Variants in SLIT3 observed in about 807,000 individuals in gnomAD.
SLIT3 encodes the protein slit homolog 3 protein.
Under a neutral mutation model 184.0 loss-of-function variants are expected in SLIT3, and 68 were observed. The observed-to-expected ratio is 0.37, with a 90% CI of 0.30 to 0.45. The LOEUF (loss-of-function observed/expected upper bound fraction) is 0.45, where lower values mean the gene tolerates loss of function less well. Among genes scored for constraint, SLIT3 ranks in the 20% least tolerant of loss-of-function variants. SLIT3 has a pLI of 1.00. For missense variants in SLIT3, 1,707 were observed against 2,026.0 expected (o/e 0.84, Z 3.02); for synonymous variants, 831 against 828.6 (o/e 1.00, Z -0.05).
intron 3 of SLIT3, among the ~76,000 whole-genome samples, chr5:169,198,336 T>G (rs968131783): frequency 1.3e-5 from 2 of 152,102 alleles, no homozygotes; most frequent in Non-Finnish European, 2.9e-5. Flanking sequence ...TTGAGTTTAG[T>G]TTTAAAGGAT....
intron 5 of SLIT3, among the ~76,000 whole-genome samples, chr5:168,880,562 G>C (rs1208477096): frequency 6.6e-6 from 1 of 152,240 alleles, no homozygotes; most frequent in African/African-American, 2.4e-5. Flanking sequence ...ACAGTAGTTA[G>C]AACTTTCTAA....
intron 16 of SLIT3, among the ~76,000 whole-genome samples, chr5:168,759,488 G>T (rs990423736): frequency 3.9e-5 from 6 of 152,164 alleles, no homozygotes; most frequent in African/African-American, 1.4e-4. Context: ...TGGCTAGACA[G>T]CCCTTCGGCA....
intron 1 of SLIT3, among the ~76,000 whole-genome samples, chr5:169,289,155 G>T (rs1234932797): frequency 6.6e-6 from 1 of 152,214 alleles, no homozygotes; most frequent in Non-Finnish European, 1.5e-5. Flanking sequence ...AGGTCGGGCA[G>T]TTAGAAAGTG....
chr5:169,233,997 T>G (rs933502583), intron 3 of SLIT3, among the ~76,000 whole-genome samples: 1 of 152,266 alleles, frequency 6.6e-6, no homozygotes, highest in Non-Finnish European at 1.5e-5. Flanking sequence ...TCTTAATATG[T>G]AAAATGCTTT....
intron 4 of SLIT3, among the ~76,000 whole-genome samples, chr5:168,961,357 A>C (rs539532641): frequency 6.6e-6 from 1 of 152,378 alleles, no homozygotes; most frequent in African/African-American, 2.4e-5. Context: ...AAACATAACA[A>C]AATGAAAATA....
chr5:168,966,299 T>C (rs546567986), intron 4 of SLIT3, among the ~76,000 whole-genome samples: 5 of 152,204 alleles, frequency 3.3e-5, no homozygotes, highest in African/African-American at 1.2e-4. Flanking sequence ...TGAAGTTCAA[T>C]CATTTGCCTA....
chr5:168,979,971 G>A (rs1754894917), intron 4 of SLIT3, among the ~76,000 whole-genome samples: 1 of 152,092 alleles, frequency 6.6e-6, no homozygotes, highest in Admixed American at 6.6e-5. Flanking sequence ...AACCCTCGGA[G>A]AACAGGAACT....
intron 4 of SLIT3, among the ~76,000 whole-genome samples, chr5:169,058,193 T>C (rs1169140100): frequency 6.6e-6 from 1 of 152,222 alleles, no homozygotes; most frequent in African/African-American, 2.4e-5. Context: ...AGACCGCTTC[T>C]CCCCGAGCCT....
At chr5:169,066,457 C>T (rs2113110898) in intron 4 of SLIT3, among the ~76,000 whole-genome samples, 1 of 152,202 alleles carries the variant, frequency 6.6e-6, no homozygotes, top group Middle Eastern at 3.4e-3. Flanking sequence ...ACTTACAAGA[C>T]CAAAAAAAGT....
intron 1 of SLIT3, among the ~76,000 whole-genome samples, chr5:169,288,524 T>C (rs1409164965): frequency 1.3e-5 from 2 of 152,124 alleles, no homozygotes; most frequent in Non-Finnish European, 2.9e-5. Flanking sequence ...ATCTCCCTGC[T>C]CTGAACCTAG....
chr5:169,272,831 C>T (rs751041351), intron 1 of SLIT3, among the ~76,000 whole-genome samples: 10 of 152,178 alleles, frequency 6.6e-5, no homozygotes, highest in Admixed American at 3.3e-4. Flanking sequence ...TCTGGGCCCC[C>T]GGGACCTGGG....
intron 1 of SLIT3, among the ~76,000 whole-genome samples, chr5:169,268,301 G>T (rs1766469961): frequency 6.6e-6 from 1 of 152,174 alleles, no homozygotes; most frequent in Admixed American, 6.5e-5. Flanking sequence ...CACACATGGA[G>T]GGAATTTGCC....
intron 20 of SLIT3, among the ~76,000 whole-genome samples, chr5:168,743,068 G>A (rs1041514324): frequency 1.3e-5 from 2 of 152,154 alleles, no homozygotes; most frequent in African/African-American, 2.4e-5. Flanking sequence ...GGAGGTTCAC[G>A]CCATGTGCTA....
intron 20 of SLIT3, among the ~76,000 whole-genome samples, chr5:168,738,764 C>T (rs1425699684): frequency 6.6e-6 from 1 of 152,016 alleles, no homozygotes; most frequent in Non-Finnish European, 1.5e-5. Flanking sequence ...CGGTGAAACC[C>T]CGTCTCTACT....
At chr5:169,016,608 T>C (rs1330913562) in intron 4 of SLIT3, among the ~76,000 whole-genome samples, 1 of 152,230 alleles carries the variant, frequency 6.6e-6, no homozygotes, top group Non-Finnish European at 1.5e-5. Flanking sequence ...CTGTATGCTA[T>C]GAGCTGTGCT....
intron 4 of SLIT3, among the ~76,000 whole-genome samples, chr5:168,884,906 G>A (rs962403149): frequency 1.3e-5 from 2 of 151,944 alleles, no homozygotes; most frequent in African/African-American, 4.8e-5. Context: ...GTTGACCTAC[G>A]GACAGATTGT....
chr5:168,666,716 T>C, intron 35 of SLIT3, 27 bp from the exon 36 acceptor site: 1 of 1,613,882 alleles, frequency 6.2e-7, no homozygotes, highest in South Asian at 1.1e-5. Context: ...AGTCAGGGCA[T>C]TGGTGGTCTA....
chr5:168,762,766 G>C, intron 14 of SLIT3, 77 bp from the exon 15 acceptor site: 1 of 1,485,496 alleles, frequency 6.7e-7, no homozygotes, highest in South Asian at 1.2e-5. Context: ...AGTGGGGGTG[G>C]GAGACAGAGA....
At chr5:169,203,484 AG>A (rs1479420569) in intron 3 of SLIT3, among the ~76,000 whole-genome samples, 1 of 152,160 alleles carries the variant, frequency 6.6e-6, no homozygotes, top group Non-Finnish European at 1.5e-5. Context: ...CAATCACCAA[AG>A]CTGCATCCCT....
Sources: allele counts gnomAD v4.1 joint callset (sites outside exome capture counted in the v4.1 genomes callset), GRCh38; gene constraint gnomAD v4.1.1; transcripts MANE v1.5; gene names NCBI Gene and HGNC (gene_info 2026-07-23, HGNC 2026-07-21).